PHEX: variants seen among roughly 807,000 people sequenced by gnomAD.
PHEX encodes the protein phosphate-regulating neutral endopeptidase PHEX.
Under a neutral mutation model 68.0 loss-of-function variants are expected in PHEX, and 16 were observed. The observed-to-expected ratio is 0.24, with a 90% CI of 0.16 to 0.36. The LOEUF (loss-of-function observed/expected upper bound fraction) is 0.36, where lower values mean the gene tolerates loss of function less well. Among genes scored for constraint, PHEX ranks in the 10% least tolerant of loss-of-function variants. The pLI is 1.00. For missense variants in PHEX, 480 were observed against 575.5 expected (o/e 0.83, Z 1.70); for synonymous variants, 208 against 205.1 (o/e 1.01, Z -0.12).
At chrX:22,122,808 C>T (rs748658085) in intron 11 of PHEX, among the ~76,000 whole-genome samples, 1 of 110,053 alleles carries the variant, frequency 9.1e-6, no homozygotes, top group Non-Finnish European at 1.9e-5. Context: ...TTCCTTCAGC[C>T]GGCTAGCCTG....
chrX:22,245,346 C>T lies in PHEX; in HGVS notation c.2084C>T (p.Ser695Phe), dbSNP rs1020905350. 10 of 1,206,650 alleles carry T rather than the reference C, an allele frequency of 8.3e-6. No individual in the cohort carries two copies. The highest frequency in any genetic ancestry group is 1.1e-5 in the Non-Finnish European group (10 of 890,975). ...FLSYAHVRCN[S>F]YRPEAAREQV... ...TTTCTCTTCTAGGTGAGGTGCAATT[C>T]CTACAGACCAGAAGCTGCCCGAGAA... Residue 695 changes from serine to phenylalanine, a missense_variant, in exon 21 of 22, where the codon TCC (serine) becomes TTC (phenylalanine). Transcript: ENST00000379374.
At chrX:22,244,627 T>C (rs1260254582) in intron 20 of PHEX, among the ~76,000 whole-genome samples, 1 of 110,200 alleles carries the variant, frequency 9.1e-6, no homozygotes, top group Non-Finnish European at 1.9e-5. Context: ...ACAAAAAACT[T>C]GGGTTTTAGA....
intron 13 of PHEX, among the ~76,000 whole-genome samples, chrX:22,173,434 A>G (rs1012715922): frequency 9.0e-6 from 1 of 111,629 alleles, no homozygotes; most frequent in East Asian, 2.9e-4. Flanking sequence ...GTTTGTAGGA[A>G]TTGCATCCTC....
At chrX:22,121,447 G>A (rs1602312999) in intron 11 of PHEX, among the ~76,000 whole-genome samples, 1 of 111,485 alleles carries the variant, frequency 9.0e-6, no homozygotes, top group Admixed American at 9.5e-5. Flanking sequence ...AGACAGGCTT[G>A]TCGAGGACAG....
intron 15 of PHEX, among the ~76,000 whole-genome samples, chrX:22,191,452 T>C (rs1373424071): frequency 8.9e-6 from 1 of 112,624 alleles, no homozygotes; most frequent in Non-Finnish European, 1.9e-5. Flanking sequence ...GCAGGGCAAT[T>C]TGACAATATC....
intron 12 of PHEX, among the ~76,000 whole-genome samples, chrX:22,154,964 T>C (rs7062778): frequency 0.053 from 5,991 of 112,349 alleles, 399 homozygotes; most frequent in African/African-American, 0.18. Context: ...CAGGCTCGAG[T>C]GCAGTGGCAT....
intron 11 of PHEX, among the ~76,000 whole-genome samples, chrX:22,126,616 T>C (rs1422854570): frequency 9.0e-6 from 1 of 111,265 alleles, no homozygotes. Flanking sequence ...TATAATTTGC[T>C]AAGATAGGAG....
At chrX:22,167,409 T>TA (rs1194647342) in intron 12 of PHEX, among the ~76,000 whole-genome samples, 3 of 111,240 alleles carry the variant, frequency 2.7e-5, no homozygotes, top group Non-Finnish European at 3.8e-5. Flanking sequence ...TGTGGATCAT[T>TA]AAAAAAATCT....
rs1935514072 is a variant in PHEX, at chrX:22,226,585, A to G, written c.1965+77A>G. Reference sequence around the variant, plus strand: ...ATATGGGGGTACCTCAATTCATACCATAGCCATGTTCTTGAGGAGTTAGTT... The same window carrying G: ...ATATGGGGGTACCTCAATTCATACCGTAGCCATGTTCTTGAGGAGTTAGTT... On this transcript the variant is annotated intron_variant, in intron 19 of 21. Coordinates refer to ENST00000379374, the MANE Select transcript of PHEX (RefSeq NM_000444.6). 5.2e-6 allele frequency: 4 copies of G among 761,989 alleles called. No individual in the cohort carries two copies. The East Asian group carries it at 1.3e-4, about 24-fold the overall frequency. 62.8% of individuals were successfully genotyped at this position (761,989 alleles called of 1,213,427 possible). A position where few individuals can be genotyped will look rare whatever the true frequency, so the allele number is the denominator to read the frequency against.
intron 9 of PHEX, among the ~76,000 whole-genome samples, chrX:22,110,059 A>G (rs750161035): frequency 8.9e-6 from 1 of 112,131 alleles, no homozygotes; most frequent in African/African-American, 3.2e-5. Flanking sequence ...GCAAAATTAG[A>G]TGATTGGTAT....
At chrX:22,133,682 C>A in intron 12 of PHEX, 58 bp downstream of exon 12, 5 of 876,971 alleles carry the variant, frequency 5.7e-6, no homozygotes, top group Non-Finnish European at 8.3e-6. Flanking sequence ...GATGTTCATG[C>A]TTGACATTGA....
intron 3 of PHEX, among the ~76,000 whole-genome samples, chrX:22,063,428 G>T (rs1451911162): frequency 8.9e-6 from 1 of 112,518 alleles, no homozygotes; most frequent in African/African-American, 3.2e-5. Flanking sequence ...GTTGGTGTCA[G>T]CCTGGAATCT....
rs140475343 is a variant in PHEX, at chrX:22,230,229, C to CTTTTTTTTTTTTTTTTTTTTTTTTT, written c.2070+2627_2070+2651dup. ...TAGGATTGTTTTGGCTATATGGGCT[C>CTTTTTTTTTTTTTTTTTTTTTTTTT]TTTTTTTTTTTTTTTTTTTTTTTTT... On this transcript the variant is annotated intron_variant, in intron 20 of 21. Transcript: ENST00000379374. Among the ~76,000 whole-genome samples the CTTTTTTTTTTTTTTTTTTTTTTTTT allele has an allele frequency of 2.7e-4, 3 of 10,939 alleles. 1 individual carries two copies. The highest frequency in any genetic ancestry group is 3.6e-4 in the Non-Finnish European group (2 of 5,562). 9.5% of individuals were successfully genotyped at this position (10,939 alleles called of 115,157 possible). A position where few individuals can be genotyped will look rare whatever the true frequency, so the allele number is the denominator to read the frequency against.
chrX:22,207,605 CAA>C (rs1934751518), intron 15 of PHEX, among the ~76,000 whole-genome samples: 1 of 110,064 alleles, frequency 9.1e-6, no homozygotes, highest in African/African-American at 3.3e-5. Context: ...AATAAGAAAA[CAA>C]ATAAATAACT....
rs934973926 is a variant in PHEX at position 22,249,033 on chromosome X, T to G, written c.*1080T>G. On this transcript the variant is annotated 3_prime_UTR_variant, in exon 22 of 22. Coordinates refer to ENST00000379374, the MANE Select transcript of PHEX (RefSeq NM_000444.6). ...TAAAAAAAAAACATTTTTGAAAAATTTCTTGACTGATGACATTCTAGAATT... is the reference window on the plus strand; with the variant it reads ...TAAAAAAAAAACATTTTTGAAAAATGTCTTGACTGATGACATTCTAGAATT... The G allele has an allele frequency of 1.8e-5, 2 of 110,908 alleles. No homozygotes were observed. Among genetic ancestry groups the G allele is most frequent in the African/African-American group, 6.6e-5 (2 of 30,411 alleles). 9.1% of individuals were successfully genotyped at this position (110,908 alleles called of 1,213,427 possible).
chrX:22,149,225 C>G (rs1602338456), intron 12 of PHEX, among the ~76,000 whole-genome samples: 1 of 111,480 alleles, frequency 9.0e-6, no homozygotes, highest in Middle Eastern at 4.7e-3. Flanking sequence ...CTGGTATTCT[C>G]TCATTGGCAG....
chrX:22,048,467 T>TAAACACACATGTGC (rs1482316741), intron 3 of PHEX, among the ~76,000 whole-genome samples: 24 of 111,589 alleles, frequency 2.2e-4, no homozygotes, highest in Non-Finnish European at 3.9e-4. Flanking sequence ...GACAGATGTG[T>TAAACACACATGTGC]ACACACACAT....
chrX:22,188,429 T>A (rs750881958), intron 14 of PHEX, among the ~76,000 whole-genome samples: 19 of 111,991 alleles, frequency 1.7e-4, no homozygotes, highest in Non-Finnish European at 2.8e-4. Context: ...TAACAAGCAG[T>A]CACTGAAACT....
At chrX:22,039,018 G>A (rs1478161058) in intron 2 of PHEX, among the ~76,000 whole-genome samples, 9 of 111,787 alleles carry the variant, frequency 8.1e-5, no homozygotes, top group East Asian at 2.8e-4. Context: ...TTGCTCTGTC[G>A]CCCAGGCTGG....
Sources: gnomAD v4.1 joint callset for allele counts (sites outside exome capture counted in the v4.1 genomes callset) on GRCh38, gnomAD v4.1.1 for gene constraint, MANE v1.5 for transcripts, NCBI Gene and HGNC (gene_info 2026-07-23, HGNC 2026-07-21) for gene names.